The following CLCN1 variants were observed in gnomAD, a reference collection of about 807,000 sequenced individuals.
CLCN1 encodes chloride voltage-gated channel 1.
In CLCN1, 100 loss-of-function variants were observed where a neutral mutation model predicts 114.5. That is an observed-to-expected ratio of 0.87 (90% CI 0.74 to 1.03). CLCN1 has a LOEUF of 1.03. CLCN1 is among the 50% of genes least tolerant of loss of function. The probability of loss-of-function intolerance (pLI) is 0.00; values close to 1 mark genes in which losing one functional copy is unlikely to be tolerated. For missense variants in CLCN1, 1,188 were observed against 1,250.0 expected, an observed-to-expected ratio of 0.95 and a Z score of 0.75; for synonymous variants, 485 against 487.1, an observed-to-expected ratio of 1.00 and a Z score of 0.06.
rs1803029011 is a variant in CLCN1 at position 143,339,729 on chromosome 7, T to C, written c.1582+108T>C. Reference sequence around the variant, plus strand: ...TCTAGGCTACACAATACGGTTTTAATTTAGTGCTACTTAACTCAACTTTTA... The same window carrying C: ...TCTAGGCTACACAATACGGTTTTAACTTAGTGCTACTTAACTCAACTTTTA... On this transcript the variant is annotated intron_variant, in intron 14 of 22. Coordinates refer to ENST00000343257, the MANE Select transcript of CLCN1 (RefSeq NM_000083.3). The surrounding 1 kb of genome is among the most constrained non-coding windows in gnomAD (Gnocchi z 4.1). The C allele has an allele frequency of 3.9e-6, 3 of 775,888 alleles. No individual in the cohort carries two copies. The highest frequency in any genetic ancestry group is 6.9e-6 in the Non-Finnish European group (3 of 437,084). The allele number at this position is 775,888 out of a possible 1,614,324, so 48.1% of individuals were successfully genotyped here. A position where few individuals can be genotyped will look rare whatever the true frequency, so the allele number is the denominator to read the frequency against.
chr7:143,323,616 C>A (rs1161077255), intron 6 of CLCN1: 1 of 669,636 alleles, frequency 1.5e-6, no homozygotes, highest in Non-Finnish European at 2.8e-6. Flanking sequence ...TCACCTGTGG[C>A]CCCACATGGA....
At position 143,346,670 on chromosome 7, in the gene CLCN1, T is replaced by G; in HGVS notation, c.2364+12T>G. On this transcript the variant is annotated intron_variant, in intron 19 of 22. Coordinates refer to ENST00000343257, the MANE Select transcript of CLCN1 (RefSeq NM_000083.3). Reference sequence around the variant, plus strand: ...AGAAAACAACCCAGGTGAGAGGAGATGTGTTTGGGGATACAGGGGAAAGGG... The same window carrying G: ...AGAAAACAACCCAGGTGAGAGGAGAGGTGTTTGGGGATACAGGGGAAAGGG... The G allele has an allele frequency of 6.3e-7, 1 of 1,598,748 alleles. No individual in the cohort carries two copies. The highest frequency in any genetic ancestry group is 1.1e-5 in the South Asian group (1 of 90,782).
At chr7:143,325,957 T>G (rs968588428) in intron 7 of CLCN1, among the ~76,000 whole-genome samples, 1 of 152,228 alleles carries the variant, frequency 6.6e-6, no homozygotes, top group Admixed American at 6.5e-5. Context: ...TTACGCTGTT[T>G]GTATTATGTG....
Position 143,337,879 on chromosome 7 carries a change from G to A in CLCN1, c.1402-1374G>A, listed in dbSNP as rs1473901472. Among the ~76,000 whole-genome samples, 7 of 123,864 alleles carry A rather than the reference G, an allele frequency of 5.7e-5. No homozygotes were observed. In the Admixed American group the frequency reaches 7.4e-4, roughly 13 times the overall value. 81.3% of individuals were successfully genotyped at this position (123,864 alleles called of 152,430 possible). A position where few individuals can be genotyped will look rare whatever the true frequency, so the allele number is the denominator to read the frequency against. On this transcript the variant is annotated intron_variant, in intron 12 of 22. Coordinates refer to ENST00000343257, the MANE Select transcript of CLCN1 (RefSeq NM_000083.3). The stretch of plus-strand genomic sequence containing the variant: ...TCTCGCTCTGTCGCCCAGGCTGGAG[G>A]GCAGTGGCATGATCTCAGCTCACTG...
Position 143,329,113 on chromosome 7 carries a change from G to A in CLCN1, c.854-1659G>A, listed in dbSNP as rs982963424. Among the ~76,000 whole-genome samples, 202 of 152,014 alleles carry A rather than the reference G, an allele frequency of 1.3e-3. 1 individual carries two copies. Among genetic ancestry groups the A allele is most frequent in the African/African-American group, 4.5e-3 (187 of 41,482 alleles). ...CTCCCAAGTAGCTGGGATTACAGGC[G>A]CCTGCCACAGCGCCTGACTAATTTT... On this transcript the variant is annotated intron_variant, in intron 7 of 22. Coordinates refer to ENST00000343257, the MANE Select transcript of CLCN1 (RefSeq NM_000083.3).
At chr7:143,341,594 AATTTT>A (rs1173385827) in intron 14 of CLCN1, among the ~76,000 whole-genome samples, 2 of 77,264 alleles carry the variant, frequency 2.6e-5, no homozygotes, top group African/African-American at 1.0e-4. Context: ...TAATAATAAT[AATTTT>A]AAAAAATAAT....
Position 143,332,736 on chromosome 7 carries a change from G to A in CLCN1, c.1264G>A (p.Glu422Lys), listed in dbSNP as rs889073641. 1.9e-5 allele frequency: 31 copies of A among 1,613,990 alleles called. No homozygotes were observed. The highest frequency in any genetic ancestry group is 1.7e-4 in the Middle Eastern group (1 of 6,024). The change falls in exon 12 of 23, where the codon GAA becomes AAA. Residue 422 changes from glutamate (E) to lysine (K), a missense_variant. Coordinates refer to ENST00000343257, the MANE Select transcript of CLCN1 (RefSeq NM_000083.3). ...QFMAGELMPR[E>K]AISTLFDNNT... ...CTTCCTCTCCCAGTTGATGCCCCGC[G>A]AAGCCATCAGTACTTTGTTTGACAA...
intron 2 of CLCN1, among the ~76,000 whole-genome samples, chr7:143,320,098 C>T (rs998255109): frequency 2.0e-5 from 3 of 152,216 alleles, no homozygotes; most frequent in Non-Finnish European, 2.9e-5. Flanking sequence ...AAGTGATCCT[C>T]CTGCCTCAGC....
At chr7:143,333,683 G>A (rs1802793386) in intron 12 of CLCN1, among the ~76,000 whole-genome samples, 2 of 152,002 alleles carry the variant, frequency 1.3e-5, no homozygotes. Flanking sequence ...TTGTATTAGT[G>A]ACTACACATA....
intron 14 of CLCN1, among the ~76,000 whole-genome samples, chr7:143,340,228 AG>A (rs1167802749): frequency 1.3e-5 from 2 of 152,170 alleles, no homozygotes; most frequent in Non-Finnish European, 2.9e-5. Context: ...CCCTACATAG[AG>A]AAGTGCTGAC....
At chr7:143,323,434 TC>T in intron 6 of CLCN1, 48 bp downstream of exon 6, 2 of 1,323,852 alleles carry the variant, frequency 1.5e-6, no homozygotes, top group East Asian at 4.6e-5. Flanking sequence ...GTAGAAGGAG[TC>T]CGGCTGTGTG....
intron 22 of CLCN1, 73 bp from the exon 23 acceptor site, chr7:143,351,521 G>C: frequency 1.3e-6 from 2 of 1,515,440 alleles, no homozygotes; most frequent in Non-Finnish European, 1.8e-6. Context: ...GTTCTTTTCT[G>C]TGTCTCTCAC....
Position 143,350,635 on chromosome 7 carries a change from G to A in CLCN1, c.2576G>A (p.Gly859Asp). 6.2e-7 allele frequency: 1 copy of A among 1,614,086 alleles called. No homozygotes were observed. The highest frequency in any genetic ancestry group is 8.5e-7 in the Non-Finnish European group (1 of 1,179,940). Reference protein sequence around the residue: ...AYVTSMGKLRGVLALEELQKA... With the variant: ...AYVTSMGKLRDVLALEELQKA... ...GTGACCAGCATGGGGAAGCTCAGGGGCGTCCTGGCCCTGGAGGAGGTAATC... is the reference window on the plus strand; with the variant it reads ...GTGACCAGCATGGGGAAGCTCAGGGACGTCCTGGCCCTGGAGGAGGTAATC... The change falls in exon 22 of 23, where the codon GGC (glycine) becomes GAC (aspartate). Residue 859 changes from glycine (G) to aspartate (D), a missense_variant. Physicochemically the swap from Gly to Asp is moderately conservative, Grantham distance 94. Transcript: ENST00000343257. This position sits in a 1 kb window ranked among gnomAD's most constrained non-coding sequence, Gnocchi z 5.1.
chr7:143,336,677 G>T (rs28589655), intron 12 of CLCN1, among the ~76,000 whole-genome samples: 2 of 68,458 alleles, frequency 2.9e-5, no homozygotes, highest in African/African-American at 1.1e-4. Context: ...GAAAGAAAGA[G>T]AAAGAAGAAA....
At chr7:143,345,839 C>A in intron 17 of CLCN1, 77 bp downstream of exon 17, 1 of 1,261,580 alleles carries the variant, frequency 7.9e-7, no homozygotes, top group Non-Finnish European at 1.1e-6. Flanking sequence ...CTGGGCTGGG[C>A]TGGGCTGGGA....
At position 143,321,399 on chromosome 7, in the gene CLCN1, C is replaced by A. The variant is rs747599835; in HGVS notation, c.468C>A (p.Ser156Arg). Residue 156 changes from serine (S) to arginine (R), a missense_variant, in exon 4 of 23, where the codon AGC becomes AGA. Coordinates refer to ENST00000343257, the MANE Select transcript of CLCN1 (RefSeq NM_000083.3). This position sits in a 1 kb window ranked among gnomAD's most constrained non-coding sequence, Gnocchi z 4.2. The part of the protein sequence containing the change: ...YKWSYAQMQP[S>R]LPLQFLVWVT... ...GGTCCTACGCGCAGATGCAGCCCAG[C>A]CTTCCTCTGCAGTTCCTGGTCTGGG... is the stretch of plus-strand genomic sequence containing the variant. 6.2e-7 allele frequency: 1 copy of A among 1,614,190 alleles called. No individual in the cohort carries two copies. The highest frequency in any genetic ancestry group is 1.7e-5 in the Admixed American group (1 of 60,028).
At position 143,324,275 on chromosome 7, in the gene CLCN1, C is replaced by T; in HGVS notation, c.775-139C>T. On this transcript the variant is annotated intron_variant, in intron 6 of 22. Coordinates refer to ENST00000343257, the MANE Select transcript of CLCN1 (RefSeq NM_000083.3). The surrounding 1 kb of genome is among the most constrained non-coding windows in gnomAD (Gnocchi z 4.6). ...TGAGTTTCTCTTGGCCTGGGAATCA[C>T]AGGGGACATGGGACCACAAGGACTC... 1 of 728,418 alleles carries T rather than the reference C, an allele frequency of 1.4e-6. No individual in the cohort carries two copies. 45.1% of individuals were successfully genotyped at this position (728,418 alleles called of 1,614,324 possible). A position where few individuals can be genotyped will look rare whatever the true frequency, so the allele number is the denominator to read the frequency against.
intron 16 of CLCN1, among the ~76,000 whole-genome samples, 186 bp downstream of exon 16, chr7:143,342,691 T>C (rs908377513): frequency 6.6e-6 from 1 of 152,054 alleles, no homozygotes; most frequent in Non-Finnish European, 1.5e-5. Context: ...TAAAAGGTCC[T>C]GGCATGGTGG....
chr7:143,331,790 GT>G, intron 10 of CLCN1, 138 bp downstream of exon 10: 2 of 706,472 alleles, frequency 2.8e-6, no homozygotes, highest in East Asian at 5.3e-5. Flanking sequence ...TGATATTGTG[GT>G]TAGGGGGTGA....
Sources: gnomAD v4.1 joint callset for allele counts (sites outside exome capture counted in the v4.1 genomes callset) on GRCh38, gnomAD v4.1.1 for gene constraint, Gnocchi (gnomAD v3.1) non-coding constraint, MANE v1.5 for transcripts, NCBI Gene and HGNC (gene_info 2026-07-23, HGNC 2026-07-21) for gene names.